Variants in ACACB observed in about 807,000 individuals in gnomAD.
ACACB encodes the protein acetyl-CoA carboxylase 2.
ACACB carries 209 observed loss-of-function variants against 278.8 expected under a neutral mutation model. The observed-to-expected ratio is 0.75, with a 90% CI of 0.67 to 0.84. The LOEUF (loss-of-function observed/expected upper bound fraction) is 0.84. Among genes scored for constraint, ACACB ranks in the 40% least tolerant of loss-of-function variants. ACACB has a pLI of 0.00. For synonymous variants in ACACB, 1,174 were observed against 1,285.6 expected (o/e 0.91, Z 1.86); for missense variants, 2,850 against 3,269.0 (o/e 0.87, Z 3.13).
chr12:109,267,180 C>G lies in ACACB; in HGVS notation c.*818C>G, dbSNP rs1420916968. 6.6e-6 allele frequency: 1 copy of G among 152,182 alleles called. No homozygotes were observed. The allele number at this position is 152,182 out of a possible 1,614,324, so 9.4% of individuals were successfully genotyped here. A position where few individuals can be genotyped will look rare whatever the true frequency, so the allele number is the denominator to read the frequency against. ...ACAGGCATGAGCCACCATCTTCAGC[C>G]AGATGATTTTTTTATTGAGAGAGTG... is the stretch of plus-strand genomic sequence containing the variant. On this transcript the variant is annotated 3_prime_UTR_variant, in exon 53 of 53. Coordinates refer to ENST00000338432, the MANE Select transcript of ACACB (RefSeq NM_001093.4).
At chr12:109,235,842 T>C in intron 33 of ACACB, 195 bp downstream of exon 33, 1 of 536,930 alleles carries the variant, frequency 1.9e-6, no homozygotes, top group Non-Finnish European at 3.3e-6. Flanking sequence ...TACAAAAAAA[T>C]TAAAAAATCA....
At position 109,191,831 on chromosome 12, in the gene ACACB, G is replaced by C; in HGVS notation, c.2296-16G>C. 6.2e-7 allele frequency: 1 copy of C among 1,614,198 alleles called. No individual in the cohort carries two copies. The highest frequency in any genetic ancestry group is 1.1e-5 in the South Asian group (1 of 91,080). On this transcript the variant is annotated splice_polypyrimidine_tract_variant and intron_variant, in intron 14 of 52. Coordinates refer to ENST00000338432, the MANE Select transcript of ACACB (RefSeq NM_001093.4). The stretch of plus-strand genomic sequence containing the variant: ...ACCTCGGCTTCCTGAGGATACTGAA[G>C]TGCATTTTCTCCTAGGCGGAGAAAC...
At chr12:109,218,485 A>G (rs2046069682) in intron 24 of ACACB, among the ~76,000 whole-genome samples, 2 of 152,116 alleles carry the variant, frequency 1.3e-5, no homozygotes, top group South Asian at 2.1e-4. Context: ...TGGCCTCCCA[A>G]AGTGCTGGGA....
chr12:109,235,466 GATC>G, intron 32 of ACACB, 97 bp downstream of exon 32: 1 of 1,456,274 alleles, frequency 6.9e-7, no homozygotes, highest in Non-Finnish European at 9.6e-7. Flanking sequence ...GGGTGAAAGA[GATC>G]ATTAGAAAGG....
At chr12:109,256,363 C>A in intron 45 of ACACB, 127 bp downstream of exon 45, 1 of 684,568 alleles carries the variant, frequency 1.5e-6, no homozygotes, top group Non-Finnish European at 2.6e-6. Context: ...AAAGAAAAAA[C>A]CAATTTGGGG....
At chr12:109,140,890 CTTTTTTTTTTT>C (rs386377714) in intron 2 of ACACB, among the ~76,000 whole-genome samples, 7 of 86,756 alleles carry the variant, frequency 8.1e-5, no homozygotes, top group African/African-American at 1.9e-4. Context: ...TTCATTCATT[CTTTTTTTTTTT>C]TTTTTTTTTT....
intron 21 of ACACB, among the ~76,000 whole-genome samples, chr12:109,212,211 G>T (rs1271315879): frequency 6.6e-6 from 1 of 152,132 alleles, no homozygotes; most frequent in East Asian, 1.9e-4. Context: ...GTCTCGGATG[G>T]GACCTCCCTG....
Position 109,171,835 on chromosome 12 carries a change from C to A in ACACB, c.956C>A (p.Pro319His). The A allele has an allele frequency of 6.2e-7, 1 of 1,614,120 alleles. No homozygotes were observed. Among genetic ancestry groups the A allele is most frequent in the South Asian group, 1.1e-5 (1 of 91,086 alleles). The change falls in exon 5 of 53, where the codon CCC (proline) becomes CAC (histidine). Residue 319 changes from proline (P) to histidine (H), a missense_variant. Physicochemically the swap from Pro to His is moderately conservative, Grantham distance 77. This residue lies in a region of ACACB where 2,265 missense variants were observed against 2,561.3 expected (regional missense o/e 0.88). Transcript: ENST00000338432. ...EYIKMADHYV[P>H]VPGGPNNNNY... ...ATCAAGATGGCGGATCATTACGTCC[C>A]CGTCCCAGGAGGGCCCAATAACAAC...
At chr12:109,122,531 CCACTG>C (rs1357128336) in intron 1 of ACACB, among the ~76,000 whole-genome samples, 7 of 143,622 alleles carry the variant, frequency 4.9e-5, no homozygotes, top group Admixed American at 3.5e-4. Flanking sequence ...TATGATTGTG[CCACTG>C]CACTCCAGCC....
intron 6 of ACACB, 66 bp downstream of exon 6, chr12:109,172,422 C>A: frequency 1.4e-6 from 2 of 1,431,652 alleles, no homozygotes; most frequent in South Asian, 2.3e-5. Context: ...CTGGGTCTGA[C>A]CCTCTTTCTC....
intron 44 of ACACB, 52 bp from the exon 45 acceptor site, chr12:109,256,088 G>T: frequency 6.5e-7 from 1 of 1,531,188 alleles, no homozygotes; most frequent in South Asian, 1.1e-5. Flanking sequence ...GTGTCCTGGG[G>T]GCCCCCAGCC....
At chr12:109,201,482 T>A in intron 18 of ACACB, 85 bp from the exon 19 acceptor site, 1 of 1,535,906 alleles carries the variant, frequency 6.5e-7, no homozygotes, top group Non-Finnish European at 8.9e-7. Context: ...TCCCGGCGCG[T>A]CCCTGCTCCG....
chr12:109,249,336 G>A (rs962353986), intron 40 of ACACB: 2 of 152,196 alleles, frequency 1.3e-5, no homozygotes, highest in Non-Finnish European at 2.9e-5. Flanking sequence ...AACTACCTGT[G>A]GAGATATTTC....
At chr12:109,209,615 T>C (rs2045622070) in intron 21 of ACACB, among the ~76,000 whole-genome samples, 1 of 152,052 alleles carries the variant, frequency 6.6e-6, no homozygotes, top group African/African-American at 2.4e-5. Flanking sequence ...GAGTGAGCAG[T>C]TGTTGCAGAT....
intron 12 of ACACB, among the ~76,000 whole-genome samples, chr12:109,187,502 C>G (rs996321365): frequency 6.6e-6 from 1 of 150,906 alleles, no homozygotes; most frequent in African/African-American, 2.4e-5. Context: ...GCTCTGTCAC[C>G]CAGGCGGGAG....
chr12:109,202,474 C>T (rs2045366039), intron 19 of ACACB, among the ~76,000 whole-genome samples: 1 of 151,988 alleles, frequency 6.6e-6, no homozygotes, highest in African/African-American at 2.4e-5. Flanking sequence ...TACCACCATA[C>T]CAGCTAATTT....
chr12:109,189,539 G>A (rs1340032050), intron 13 of ACACB, among the ~76,000 whole-genome samples: 2 of 152,070 alleles, frequency 1.3e-5, no homozygotes, highest in East Asian at 1.9e-4. Flanking sequence ...TCCAGTAGGG[G>A]GATCAACTGT....
At chr12:109,144,312 CAATAAATA>C (rs537512170) in intron 2 of ACACB, among the ~76,000 whole-genome samples, 2 of 151,894 alleles carry the variant, frequency 1.3e-5, no homozygotes, top group Non-Finnish European at 2.9e-5. Flanking sequence ...GACTCTGTCT[CAATAAATA>C]AATAAATAAA....
chr12:109,262,623 G>C (rs2047408176), intron 49 of ACACB, among the ~76,000 whole-genome samples, 154 bp downstream of exon 49: 1 of 151,940 alleles, frequency 6.6e-6, no homozygotes, highest in South Asian at 2.1e-4. Context: ...ACATTTGTCT[G>C]TTTGTTTTGT....
Sources: allele counts gnomAD v4.1 joint callset (sites outside exome capture counted in the v4.1 genomes callset), GRCh38; gene constraint gnomAD v4.1.1; regional missense constraint gnomAD v4.1.1; transcripts MANE v1.5; gene names NCBI Gene and HGNC (gene_info 2026-07-23, HGNC 2026-07-21).